Variants in GTF2F2 observed in about 807,000 individuals in gnomAD.
GTF2F2 encodes general transcription factor IIF subunit 2.
Under a neutral mutation model 42.2 loss-of-function variants are expected in GTF2F2, and 23 were observed. That is an observed-to-expected ratio of 0.55 (90% confidence interval 0.39 to 0.77). GTF2F2 has a LOEUF of 0.77. GTF2F2 is among the 30% of genes least tolerant of loss of function. The pLI, the probability that GTF2F2 is intolerant of heterozygous loss-of-function variation, is 0.00. For missense variants in GTF2F2, 261 were observed against 287.2 expected, an observed-to-expected ratio of 0.91 and a Z score of 0.66; for synonymous variants, 105 against 100.8, an observed-to-expected ratio of 1.04 and a Z score of -0.25.
intron 4 of GTF2F2, among the ~76,000 whole-genome samples, chr13:45,187,407 T>C (rs1048595868): frequency 6.6e-6 from 1 of 152,214 alleles, no homozygotes; most frequent in Non-Finnish European, 1.5e-5. Flanking sequence ...GTTAGAAAAG[T>C]TTTATTAAAT....
chr13:45,200,480 T>A (rs961716810), intron 4 of GTF2F2, among the ~76,000 whole-genome samples: 2 of 152,170 alleles, frequency 1.3e-5, no homozygotes, highest in African/African-American at 4.8e-5. Flanking sequence ...CTAACTTTTT[T>A]ATCTTTTTGT....
At chr13:45,202,476 C>T (rs1040279069) in intron 4 of GTF2F2, among the ~76,000 whole-genome samples, 2 of 152,058 alleles carry the variant, frequency 1.3e-5, no homozygotes, top group South Asian at 2.1e-4. Flanking sequence ...TGTGTTTAAT[C>T]CCAGTACTCT....
At chr13:45,120,823 G>A in intron 1 of GTF2F2, 102 bp downstream of exon 1, 2 of 805,154 alleles carry the variant, frequency 2.5e-6, no homozygotes, top group Non-Finnish European at 4.2e-6. Flanking sequence ...TTCTTTTACG[G>A]CTATCTCGTT....
At chr13:45,272,491 C>G (rs1269587423) in intron 7 of GTF2F2, among the ~76,000 whole-genome samples, 1 of 149,176 alleles carries the variant, frequency 6.7e-6, no homozygotes, top group Non-Finnish European at 1.5e-5. Flanking sequence ...GTGAGTAATC[C>G]CAGCACTTTG....
intron 4 of GTF2F2, among the ~76,000 whole-genome samples, chr13:45,197,928 G>C (rs780431388): frequency 3.3e-5 from 5 of 152,172 alleles, no homozygotes; most frequent in Non-Finnish European, 7.3e-5. Flanking sequence ...AGCTTACCTG[G>C]ATCCACTTGG....
chr13:45,192,699 T>C (rs1447271205), intron 4 of GTF2F2, among the ~76,000 whole-genome samples: 1 of 152,228 alleles, frequency 6.6e-6, no homozygotes, highest in Non-Finnish European at 1.5e-5. Context: ...AAAAATAATT[T>C]TTTGTTTGGC....
intron 4 of GTF2F2, among the ~76,000 whole-genome samples, chr13:45,203,017 C>T (rs1281147569): frequency 1.3e-5 from 2 of 152,158 alleles, no homozygotes; most frequent in African/African-American, 2.4e-5. Flanking sequence ...ATATGTAAGA[C>T]AAGGCCTTTG....
intron 6 of GTF2F2, among the ~76,000 whole-genome samples, chr13:45,256,881 T>G (rs1455950304): frequency 6.6e-6 from 1 of 152,144 alleles, no homozygotes; most frequent in Non-Finnish European, 1.5e-5. Context: ...CAGTGTTTCA[T>G]TCTAACAGTT....
intron 1 of GTF2F2, among the ~76,000 whole-genome samples, chr13:45,127,180 G>A (rs2057373217): frequency 6.6e-6 from 1 of 152,120 alleles, no homozygotes; most frequent in African/African-American, 2.4e-5. Flanking sequence ...TTTATTGCAA[G>A]GGTGTAGTAT....
intron 6 of GTF2F2, among the ~76,000 whole-genome samples, chr13:45,261,199 G>T (rs1876327686): frequency 1.3e-5 from 2 of 152,160 alleles, no homozygotes; most frequent in South Asian, 4.1e-4. Flanking sequence ...AGCCGCAGTG[G>T]GCGGATCATG....
At chr13:45,191,336 C>T (rs1417036595) in intron 4 of GTF2F2, among the ~76,000 whole-genome samples, 4 of 148,244 alleles carry the variant, frequency 2.7e-5, no homozygotes, top group East Asian at 2.0e-4. Context: ...ATGTTTGGCT[C>T]ATGGCAACTA....
In GTF2F2 at chr13:45,191,244, T is replaced by A. The variant is rs1353290362; in HGVS notation, c.305-16180T>A. ...AAAAAAATATATATATATATATATA[T>A]ATATATATATAGCCATAATCTCACA... On this transcript the variant is annotated intron_variant, in intron 4 of 7. Coordinates refer to ENST00000340473, the MANE Select transcript of GTF2F2 (RefSeq NM_004128.3). Among the ~76,000 whole-genome samples the A allele has an allele frequency of 6.6e-5, 9 of 135,686 alleles. 1 individual carries two copies. Among genetic ancestry groups the A allele is most frequent in the Non-Finnish European group, 9.3e-5 (6 of 64,858 alleles). 89.0% of individuals were successfully genotyped at this position (135,686 alleles called of 152,430 possible). A position where few individuals can be genotyped will look rare whatever the true frequency, so the allele number is the denominator to read the frequency against.
At chr13:45,237,690 T>C (rs1189460997) in intron 5 of GTF2F2, among the ~76,000 whole-genome samples, 1 of 152,234 alleles carries the variant, frequency 6.6e-6, no homozygotes, top group African/African-American at 2.4e-5. Flanking sequence ...GTTTCAGACC[T>C]GCCATACCAT....
chr13:45,211,995 T>C (rs1350530194), intron 5 of GTF2F2, among the ~76,000 whole-genome samples: 1 of 151,764 alleles, frequency 6.6e-6, no homozygotes, highest in Non-Finnish European at 1.5e-5. Context: ...CACCCCCACA[T>C]ATGCGCACGC....
intron 4 of GTF2F2, among the ~76,000 whole-genome samples, chr13:45,152,349 A>G (rs548843207): frequency 6.6e-6 from 1 of 152,220 alleles, no homozygotes; most frequent in South Asian, 2.1e-4. Flanking sequence ...ATTACTTGAG[A>G]AGGGTTTAAT....
chr13:45,217,058 T>C (rs1873920618), intron 5 of GTF2F2, among the ~76,000 whole-genome samples: 1 of 151,392 alleles, frequency 6.6e-6, no homozygotes, highest in South Asian at 2.1e-4. Context: ...CCCAGCACTT[T>C]GGGAGGCCGA....
chr13:45,211,559 A>G (rs1362204086), intron 5 of GTF2F2, among the ~76,000 whole-genome samples: 1 of 147,210 alleles, frequency 6.8e-6, no homozygotes, highest in African/African-American at 2.5e-5. Flanking sequence ...ATGAGCCACC[A>G]TACCTGGCCA....
At chr13:45,225,354 C>T (rs1874290939) in intron 5 of GTF2F2, among the ~76,000 whole-genome samples, 1 of 152,130 alleles carries the variant, frequency 6.6e-6, no homozygotes, top group South Asian at 2.1e-4. Context: ...TTCCTTATGA[C>T]CCTCATGTTG....
At chr13:45,168,401 C>T (rs1456127631) in intron 4 of GTF2F2, among the ~76,000 whole-genome samples, 1 of 152,220 alleles carries the variant, frequency 6.6e-6, no homozygotes, top group Admixed American at 6.5e-5. Context: ...TTGGGAGTGG[C>T]GTTCAGCCAA....
Sources: gnomAD v4.1 joint callset for allele counts (sites outside exome capture counted in the v4.1 genomes callset) on GRCh38, gnomAD v4.1.1 for gene constraint, MANE v1.5 for transcripts, NCBI Gene and HGNC (gene_info 2026-07-23, HGNC 2026-07-21) for gene names.